The following HOATZ variants were observed in gnomAD, a reference collection of about 807,000 sequenced individuals.
HOATZ encodes the protein HOATZ cilia and flagella associated protein, also known as cilia- and flagella-associated protein HOATZ.
HOATZ carries 26 observed loss-of-function variants against 24.9 expected under a neutral mutation model. That is an observed-to-expected ratio of 1.04 (90% CI 0.76 to 1.45). HOATZ has a LOEUF of 1.45. HOATZ is among the 40% of genes most tolerant of loss of function. HOATZ has a pLI of 0.00. For missense variants in HOATZ, 226 were observed against 201.5 expected (o/e 1.12, Z -0.74); for synonymous variants, 83 against 76.6 (o/e 1.08, Z -0.43).
intron 3 of HOATZ, among the ~76,000 whole-genome samples, chr11:111,532,372 G>A (rs558503995): frequency 1.3e-4 from 20 of 152,262 alleles, no homozygotes; most frequent in Admixed American, 6.5e-4. Context: ...TTTGGAAACA[G>A]GGTCTTTGCA....
intron 3 of HOATZ, among the ~76,000 whole-genome samples, chr11:111,520,998 G>A (rs1205834942): frequency 1.3e-5 from 2 of 152,178 alleles, no homozygotes; most frequent in Admixed American, 6.5e-5. Context: ...GGATTCGGTA[G>A]CATCCGCAGT....
chr11:111,528,117 T>C (rs964918455), intron 3 of HOATZ, among the ~76,000 whole-genome samples: 1 of 149,700 alleles, frequency 6.7e-6, no homozygotes, highest in Non-Finnish European at 1.5e-5. Flanking sequence ...AGCCCAGGAG[T>C]TCAAGACTAG....
At chr11:111,522,653 C>A (rs1867282582) in intron 3 of HOATZ, among the ~76,000 whole-genome samples, 1 of 152,170 alleles carries the variant, frequency 6.6e-6, no homozygotes, top group African/African-American at 2.4e-5. Flanking sequence ...GTTGACTCTT[C>A]CCAAGCCACT....
At chr11:111,520,816 C>T (rs1032119941) in intron 3 of HOATZ, among the ~76,000 whole-genome samples, 1 of 152,172 alleles carries the variant, frequency 6.6e-6, no homozygotes, top group Non-Finnish European at 1.5e-5. Flanking sequence ...ACACTACATG[C>T]CTGTTAGTGA....
rs572065110 is a variant in HOATZ, at chr11:111,533,220, T to C, written c.340-526T>C. Among the ~76,000 whole-genome samples the C allele has an allele frequency of 2.6e-5, 4 of 152,350 alleles. No individual in the cohort carries two copies. In the South Asian group the frequency reaches 8.3e-4, roughly 32 times the overall value. ...GCAATTTAGTGTGATGGTCAATAGC[T>C]TGAACTTTGTTGCTAAATGGAGCTA... On this transcript the variant is annotated intron_variant, in intron 3 of 5. Transcript: ENST00000375618.
At chr11:111,528,215 C>G (rs1867359929) in intron 3 of HOATZ, among the ~76,000 whole-genome samples, 1 of 151,630 alleles carries the variant, frequency 6.6e-6, no homozygotes, top group African/African-American at 2.4e-5. Context: ...TGCCTGTGGT[C>G]CCAACTACTT....
Position 111,533,822 on chromosome 11 carries a change from G to A in HOATZ, c.399+17G>A. On this transcript the variant is annotated intron_variant, in intron 4 of 5. Coordinates refer to ENST00000375618, the MANE Select transcript of HOATZ (RefSeq NM_001100388.2). ...AGGATCTCGGTGAGACCAATAGTGA[G>A]GCATTTGGATAATCTATCTGAGTGG... The A allele has an allele frequency of 6.5e-7, 1 of 1,539,554 alleles. No homozygotes were observed. The highest frequency in any genetic ancestry group is 8.7e-7 in the Non-Finnish European group (1 of 1,149,060).
chr11:111,524,914 T>C, intron 3 of HOATZ: 1 of 446,584 alleles, frequency 2.2e-6, no homozygotes, highest in South Asian at 1.6e-5. Flanking sequence ...CAGAATGAAG[T>C]GCAGTGGCAT....
At chr11:111,516,549 A>G (rs1867203716) in intron 3 of HOATZ, among the ~76,000 whole-genome samples, 1 of 151,966 alleles carries the variant, frequency 6.6e-6, no homozygotes, top group Admixed American at 6.6e-5. Context: ...AACTCTACAA[A>G]AAAAAAAAAA....
At chr11:111,523,119 G>A (rs1333798358) in intron 3 of HOATZ, among the ~76,000 whole-genome samples, 2 of 151,490 alleles carry the variant, frequency 1.3e-5, no homozygotes, top group African/African-American at 4.9e-5. Flanking sequence ...TCACAGCTGA[G>A]ATTGAACAAG....
intron 3 of HOATZ, chr11:111,519,055 T>A (rs910836797): frequency 3.9e-5 from 18 of 455,896 alleles, no homozygotes; most frequent in Non-Finnish European, 7.5e-5. Context: ...ACAAGATGGG[T>A]TTGGAAGCCT....
At chr11:111,536,339 GTCT>G (rs1867450412) in intron 5 of HOATZ, 1 of 158,374 alleles carries the variant, frequency 6.3e-6, no homozygotes, top group Non-Finnish European at 1.4e-5. Context: ...CCTTCAACAG[GTCT>G]TCTTAGTATA....
chr11:111,531,916 G>A (rs1306489164), intron 3 of HOATZ, among the ~76,000 whole-genome samples: 1 of 152,092 alleles, frequency 6.6e-6, no homozygotes, highest in Non-Finnish European at 1.5e-5. Flanking sequence ...TCAGGACTGG[G>A]GAACCACCCT....
chr11:111,517,653 G>T (rs1331842220), intron 3 of HOATZ, among the ~76,000 whole-genome samples: 3 of 152,044 alleles, frequency 2.0e-5, no homozygotes, highest in African/African-American at 7.3e-5. Context: ...GCCAATTAAA[G>T]TCAATAATTA....
At chr11:111,515,106 A>G in intron 1 of HOATZ, 96 bp downstream of exon 1, 1 of 784,546 alleles carries the variant, frequency 1.3e-6, no homozygotes, top group Non-Finnish European at 2.1e-6. Flanking sequence ...GCAATGGTAT[A>G]TACAAATAGT....
chr11:111,523,257 A>G (rs1174535760), intron 3 of HOATZ, among the ~76,000 whole-genome samples: 3 of 146,190 alleles, frequency 2.1e-5, no homozygotes, highest in African/African-American at 7.6e-5. Flanking sequence ...AACGGCCTTA[A>G]AGTGCTAATG....
intron 3 of HOATZ, chr11:111,518,929 A>C (rs1172102711): frequency 2.3e-6 from 1 of 435,622 alleles, no homozygotes; most frequent in Non-Finnish European, 4.6e-6. Context: ...ACGGCAAGCC[A>C]CATATCCTTT....
chr11:111,532,538 G>C (rs1867404566), intron 3 of HOATZ, among the ~76,000 whole-genome samples: 1 of 152,170 alleles, frequency 6.6e-6, no homozygotes, highest in African/African-American at 2.4e-5. Context: ...GCAAACCAAG[G>C]AATGCCACAG....
chr11:111,516,562 T>G (rs1291411637), intron 3 of HOATZ, among the ~76,000 whole-genome samples: 2 of 151,746 alleles, frequency 1.3e-5, no homozygotes, highest in Non-Finnish European at 2.9e-5. Context: ...AAAAAAAAAT[T>G]TTTAATTTGC....
Sources: allele counts gnomAD v4.1 joint callset (sites outside exome capture counted in the v4.1 genomes callset), GRCh38; gene constraint gnomAD v4.1.1; transcripts MANE v1.5; gene names NCBI Gene and HGNC (gene_info 2026-07-23, HGNC 2026-07-21).